ABCC4: variants seen among roughly 807,000 people sequenced by gnomAD.
ABCC4 encodes ATP binding cassette subfamily C member 4 (PEL blood group).
A neutral mutation model predicts 168.5 loss-of-function variants in ABCC4; 102 were observed. The ratio of observed to expected loss-of-function variants is 0.61; its 90% confidence interval spans 0.52 to 0.71. The LOEUF (loss-of-function observed/expected upper bound fraction) is 0.71. Among genes scored for constraint, ABCC4 ranks in the 30% least tolerant of loss-of-function variants. ABCC4 has a pLI of 0.00. For missense variants in ABCC4, 1,402 were observed against 1,605.8 expected (o/e 0.87, Z 2.17); for synonymous variants, 617 against 590.7 (o/e 1.04, Z -0.65).
intron 1 of ABCC4, among the ~76,000 whole-genome samples, chr13:95,278,581 G>C (rs1290223359): frequency 6.6e-6 from 1 of 152,066 alleles, no homozygotes; most frequent in East Asian, 1.9e-4. Context: ...GATTGCATGA[G>C]CCAGGGAGTT....
intron 1 of ABCC4, among the ~76,000 whole-genome samples, chr13:95,290,911 C>T (rs916508050): frequency 7.7e-5 from 11 of 142,658 alleles, no homozygotes; most frequent in South Asian, 2.3e-4. Context: ...ACAGGAGAAC[C>T]GCTTGAACCC....
intron 26 of ABCC4, among the ~76,000 whole-genome samples, chr13:95,059,023 A>C (rs1281026558): frequency 6.6e-6 from 1 of 152,264 alleles, no homozygotes; most frequent in Non-Finnish European, 1.5e-5. Flanking sequence ...CAGGGCGCAG[A>C]AGCATGGAGT....
At chr13:95,064,260 G>GTA (rs753635232) in intron 25 of ABCC4, among the ~76,000 whole-genome samples, 1,467 of 21,110 alleles carry the variant, frequency 0.069, 10 homozygotes, top group East Asian at 0.17. Flanking sequence ...GTGTGTGTGT[G>GTA]TATATATATA....
intron 13 of ABCC4, 56 bp from the exon 14 acceptor site, chr13:95,170,684 G>C: frequency 2.9e-6 from 3 of 1,042,210 alleles, no homozygotes; most frequent in Non-Finnish European, 4.3e-6. Context: ...GCTCCACATT[G>C]AAAAACATAC....
intron 4 of ABCC4, among the ~76,000 whole-genome samples, chr13:95,227,881 T>G (rs1247417861): frequency 6.6e-6 from 1 of 151,790 alleles, no homozygotes; most frequent in African/African-American, 2.4e-5. Flanking sequence ...GGCTAATTTT[T>G]GTATTTTTAG....
In ABCC4 at chr13:95,095,926, ATTG is replaced by A. The variant is rs1178991773; in HGVS notation, c.2536-12639_2536-12637del. ...AAAACCCAGAGTACTCAATAGAAAA[ATTG>A]TTAAGACACTTAAATAGGTGCTTAC... On this transcript the variant is annotated intron_variant, in intron 20 of 30. Coordinates refer to ENST00000645237, the MANE Select transcript of ABCC4 (RefSeq NM_005845.5). 1.8e-5 allele frequency: 7 copies of A among 381,544 alleles called. 1 individual carries two copies. The highest frequency in any genetic ancestry group is 3.2e-5 in the Non-Finnish European group (7 of 215,910). The allele number at this position is 381,544 out of a possible 1,614,324, so 23.6% of individuals were successfully genotyped here.
At chr13:95,190,608 T>G (rs574899801) in intron 9 of ABCC4, among the ~76,000 whole-genome samples, 45 of 152,150 alleles carry the variant, frequency 3.0e-4, no homozygotes, top group Non-Finnish European at 6.3e-4. Flanking sequence ...AGAGGAATGG[T>G]TTTAAATTCA....
chr13:95,174,349 T>C (rs2037589414), intron 13 of ABCC4, among the ~76,000 whole-genome samples: 1 of 152,252 alleles, frequency 6.6e-6, no homozygotes, highest in African/African-American at 2.4e-5. Context: ...ACTTCACATT[T>C]CTAAGCTTCA....
At chr13:95,209,732 T>G in intron 5 of ABCC4, 135 bp from the exon 6 acceptor site, 1 of 783,808 alleles carries the variant, frequency 1.3e-6, no homozygotes, top group Non-Finnish European at 1.9e-6. Context: ...TTACACCTGC[T>G]AAAGCAGAAA....
chr13:95,137,635 C>G (rs2036183196), intron 19 of ABCC4, among the ~76,000 whole-genome samples: 1 of 152,144 alleles, frequency 6.6e-6, no homozygotes, highest in East Asian at 1.9e-4. Flanking sequence ...CCACAGGAAG[C>G]TTTCCTGGTG....
At chr13:95,215,428 A>C (rs748019187) in intron 4 of ABCC4, among the ~76,000 whole-genome samples, 4 of 152,226 alleles carry the variant, frequency 2.6e-5, no homozygotes, top group Non-Finnish European at 4.4e-5. Context: ...AATAAAAAGA[A>C]GACAAATTAC....
At chr13:95,118,154 A>G (rs931993142) in intron 19 of ABCC4, among the ~76,000 whole-genome samples, 4 of 152,204 alleles carry the variant, frequency 2.6e-5, no homozygotes, top group African/African-American at 9.6e-5. Context: ...ATCAACAATG[A>G]TCTCAGTGTA....
At chr13:95,278,989 G>A (rs1449850491) in intron 1 of ABCC4, among the ~76,000 whole-genome samples, 1 of 150,668 alleles carries the variant, frequency 6.6e-6, no homozygotes, top group Non-Finnish European at 1.5e-5. Flanking sequence ...AAAAAAAGAC[G>A]CAAATAACAA....
At chr13:95,190,620 A>T (rs898801323) in intron 9 of ABCC4, among the ~76,000 whole-genome samples, 2 of 152,230 alleles carry the variant, frequency 1.3e-5, no homozygotes, top group Non-Finnish European at 1.5e-5. Flanking sequence ...TTAAATTCAG[A>T]GTATAGAACC....
rs536829740 is a variant in ABCC4, at chr13:95,120,321, C to T, written c.2456-4320G>A. 8.5e-5 allele frequency among the ~76,000 whole-genome samples: 13 copies of T among 152,250 alleles called. No individual in the cohort carries two copies. The South Asian group carries it at 1.5e-3, about 17-fold the overall frequency. The stretch of plus-strand genomic sequence containing the variant: ...GTGGCTCATGCCTATAATCCCAGCA[C>T]TTTGGGAGGCTGAGGCAGGTGGGTC... On this transcript the variant is annotated intron_variant, in intron 19 of 30. Transcript: ENST00000645237.
At chr13:95,231,115 A>G (rs1429020261) in intron 4 of ABCC4, among the ~76,000 whole-genome samples, 2 of 152,196 alleles carry the variant, frequency 1.3e-5, no homozygotes, top group Admixed American at 6.5e-5. Flanking sequence ...AAGGCTGACA[A>G]CTGTGGAGAG....
chr13:95,089,480 TG>T (rs1352935084), intron 20 of ABCC4, among the ~76,000 whole-genome samples: 2 of 152,064 alleles, frequency 1.3e-5, no homozygotes, highest in African/African-American at 4.8e-5. Flanking sequence ...TAGCTAGGCG[TG>T]GTCACGGGCA....
chr13:95,077,365 G>T (rs1341490935), intron 21 of ABCC4, among the ~76,000 whole-genome samples: 2 of 152,158 alleles, frequency 1.3e-5, no homozygotes, highest in African/African-American at 4.8e-5. Flanking sequence ...CTGAGACAGG[G>T]TCTCACTCTG....
chr13:95,068,745 G>A (rs945270979), intron 25 of ABCC4, among the ~76,000 whole-genome samples: 1 of 152,222 alleles, frequency 6.6e-6, no homozygotes, highest in Non-Finnish European at 1.5e-5. Context: ...GGGGATATAG[G>A]TTGTTTTCTA....
Sources: gnomAD v4.1 joint callset for allele counts (sites outside exome capture counted in the v4.1 genomes callset) on GRCh38, gnomAD v4.1.1 for gene constraint, MANE v1.5 for transcripts, NCBI Gene and HGNC (gene_info 2026-07-23, HGNC 2026-07-21) for gene names.